The following CDIP1 variants were observed in gnomAD, a reference collection of about 807,000 sequenced individuals.
CDIP1 encodes the protein cell death inducing p53 target 1.
In CDIP1, 9 loss-of-function variants were observed where a neutral mutation model predicts 17.7. That is an observed-to-expected ratio of 0.51 (90% confidence interval 0.31 to 0.89). The LOEUF is 0.89. Ranked by LOEUF, CDIP1 falls within the 40% of genes least tolerant of loss-of-function variation. CDIP1 has a pLI of 0.05. For synonymous variants in CDIP1, 117 were observed against 109.5 expected (o/e 1.07, Z -0.43); for missense variants, 263 against 277.9 (o/e 0.95, Z 0.38).
At position 4,512,505 on chromosome 16, in the gene CDIP1, C is replaced by A. The variant is rs755903354; in HGVS notation, c.*67G>T. 3 of 1,185,408 alleles carry A rather than the reference C, an allele frequency of 2.5e-6. No homozygotes were observed. Among genetic ancestry groups the A allele is most frequent in the East Asian group, 2.4e-5 (1 of 42,506 alleles). The allele number at this position is 1,185,408 out of a possible 1,614,324, so 73.4% of individuals were successfully genotyped here. A position where few individuals can be genotyped will look rare whatever the true frequency, so the allele number is the denominator to read the frequency against. ...CCAAGTGGGAGCGGGAAAGTGACCA[C>A]TGAGCACAGGGAGCAAAGCACAGGG... is the stretch of plus-strand genomic sequence containing the variant. On this transcript the variant is annotated 3_prime_UTR_variant, in exon 6 of 6. Coordinates refer to ENST00000567695, the MANE Select transcript of CDIP1 (RefSeq NM_013399.3). This position sits in a 1 kb window ranked among gnomAD's most constrained non-coding sequence, Gnocchi z 4.6.
chr16:4,527,478 TATG>T (rs1209586157), intron 1 of CDIP1, among the ~76,000 whole-genome samples: 1 of 152,212 alleles, frequency 6.6e-6, no homozygotes, highest in Non-Finnish European at 1.5e-5. Flanking sequence ...CTCTAGGAAC[TATG>T]ATGATGACAA....
At chr16:4,535,577 C>T (rs570003700) in intron 1 of CDIP1, among the ~76,000 whole-genome samples, 4 of 152,210 alleles carry the variant, frequency 2.6e-5, no homozygotes, top group South Asian at 4.1e-4. Context: ...CTATCACAGA[C>T]GCGGCCAGCA....
chr16:4,527,562 T>C (rs1476536765), intron 1 of CDIP1, among the ~76,000 whole-genome samples: 1 of 152,208 alleles, frequency 6.6e-6, no homozygotes. Context: ...TTGGTGACAC[T>C]CCGTCCACAG....
At position 4,521,112 on chromosome 16, in the gene CDIP1, T is replaced by A. The variant is rs567598021; in HGVS notation, c.-104-6448A>T. Among the ~76,000 whole-genome samples the A allele has an allele frequency of 2.6e-5, 4 of 152,052 alleles. No individual in the cohort carries two copies. The East Asian group carries it at 7.7e-4, about 29-fold the overall frequency. On this transcript the variant is annotated intron_variant, in intron 1 of 5. Coordinates refer to ENST00000567695, the MANE Select transcript of CDIP1 (RefSeq NM_013399.3). ...GGTGTGTGTGTGTGTGTGTGTGTACTGTGTGTGTGGTGGTGAAGACTCAAT... is the reference window on the plus strand; with the variant it reads ...GGTGTGTGTGTGTGTGTGTGTGTACAGTGTGTGTGGTGGTGAAGACTCAAT...
intron 1 of CDIP1, chr16:4,538,184 C>G (rs1378185892): frequency 6.6e-6 from 1 of 152,240 alleles, no homozygotes; most frequent in East Asian, 1.9e-4. Context: ...CGCACAACCC[C>G]GCGGCACACA....
At chr16:4,523,623 CATCTGTGACCAGTGGT>C (rs1171787586) in intron 1 of CDIP1, among the ~76,000 whole-genome samples, 2 of 152,196 alleles carry the variant, frequency 1.3e-5, no homozygotes, top group Non-Finnish European at 2.9e-5. Flanking sequence ...AACACAATTA[CATCTGTGACCAGTGGT>C]ATCGAGAAAG....
chr16:4,534,406 G>A (rs182844332), intron 1 of CDIP1, among the ~76,000 whole-genome samples: 3 of 152,350 alleles, frequency 2.0e-5, no homozygotes, highest in Admixed American at 6.5e-5. Context: ...AGTCAACTCC[G>A]TGATGCAGTG....
chr16:4,529,446 C>T (rs187331897), intron 1 of CDIP1, among the ~76,000 whole-genome samples: 93 of 152,296 alleles, frequency 6.1e-4, no homozygotes, highest in African/African-American at 1.9e-3. Context: ...CCAGGCAGAA[C>T]GCTGCTCAAG....
At chr16:4,525,957 G>A (rs2058995579) in intron 1 of CDIP1, among the ~76,000 whole-genome samples, 1 of 152,204 alleles carries the variant, frequency 6.6e-6, no homozygotes, top group Non-Finnish European at 1.5e-5. Flanking sequence ...GAAGATGGGT[G>A]TATCTGATGC....
At chr16:4,535,092 C>T (rs1451754065) in intron 1 of CDIP1, among the ~76,000 whole-genome samples, 2 of 152,188 alleles carry the variant, frequency 1.3e-5, no homozygotes, top group Non-Finnish European at 2.9e-5. Context: ...TCTCCCTAAA[C>T]CCTCCCAAGG....
intron 1 of CDIP1, among the ~76,000 whole-genome samples, chr16:4,526,322 T>C (rs554008519): frequency 6.6e-6 from 1 of 151,478 alleles, no homozygotes; most frequent in African/African-American, 2.4e-5. Context: ...GGAGAATTAC[T>C]TGAACCCAGG....
intron 1 of CDIP1, among the ~76,000 whole-genome samples, chr16:4,517,391 T>C (rs2058899334): frequency 6.6e-6 from 1 of 152,022 alleles, no homozygotes; most frequent in African/African-American, 2.4e-5. Context: ...CCAGCATGAC[T>C]CTCCCACCCT....
intron 1 of CDIP1, among the ~76,000 whole-genome samples, chr16:4,520,110 G>C (rs960863414): frequency 1.3e-5 from 2 of 149,468 alleles, no homozygotes; most frequent in Non-Finnish European, 2.9e-5. Context: ...GACTTGACAA[G>C]TGGTAGGTTT....
At chr16:4,516,698 C>CTTTTT (rs767463500) in intron 1 of CDIP1, among the ~76,000 whole-genome samples, 126 of 78,098 alleles carry the variant, frequency 1.6e-3, no homozygotes, top group African/African-American at 1.8e-3. Context: ...GTTTTAAATC[C>CTTTTT]TTTTTTTTTT....
Position 4,512,771 on chromosome 16 carries a change from C to G in CDIP1, c.515+20G>C. 1 of 1,593,688 alleles carries G rather than the reference C, an allele frequency of 6.3e-7. No homozygotes were observed. The highest frequency in any genetic ancestry group is 8.6e-7 in the Non-Finnish European group (1 of 1,169,546). ...TGACCCTGGTGCAGCCCCCACCCTACCAGTGCCCACACCACCTACCCCATG... is the reference window on the plus strand; with the variant it reads ...TGACCCTGGTGCAGCCCCCACCCTAGCAGTGCCCACACCACCTACCCCATG... On this transcript the variant is annotated intron_variant, in intron 5 of 5. Coordinates refer to ENST00000567695, the MANE Select transcript of CDIP1 (RefSeq NM_013399.3). This position sits in a 1 kb window ranked among gnomAD's most constrained non-coding sequence, Gnocchi z 4.6.
At chr16:4,526,966 G>C (rs1567420367) in intron 1 of CDIP1, among the ~76,000 whole-genome samples, 1 of 151,920 alleles carries the variant, frequency 6.6e-6, no homozygotes. Context: ...ATGGCGGTAG[G>C]AGCAGCCCCT....
intron 1 of CDIP1, among the ~76,000 whole-genome samples, chr16:4,520,019 G>A (rs1412169585): frequency 6.6e-6 from 1 of 152,050 alleles, no homozygotes; most frequent in Non-Finnish European, 1.5e-5. Flanking sequence ...AGAACTGTAA[G>A]GAGATAAATT....
Position 4,520,127 on chromosome 16 carries a change from T to C in CDIP1, c.-104-5463A>G, listed in dbSNP as rs1596488595. ...CTTGACAAGTGGTAGGTTTTTTTTT[T>C]TTTTAGACAGAGTCTCGCTCTATCA... On this transcript the variant is annotated intron_variant, in intron 1 of 5. Transcript: ENST00000567695. 2.0e-5 allele frequency among the ~76,000 whole-genome samples: 3 copies of C among 151,918 alleles called. No homozygotes were observed. In the East Asian group the frequency reaches 5.8e-4, roughly 29 times the overall value.
chr16:4,519,903 T>C (rs1390009241), intron 1 of CDIP1, among the ~76,000 whole-genome samples: 1 of 152,068 alleles, frequency 6.6e-6, no homozygotes, highest in African/African-American at 2.4e-5. Flanking sequence ...CACCGTGCCA[T>C]CCTATAAAGC....
Sources: allele counts gnomAD v4.1 joint callset (sites outside exome capture counted in the v4.1 genomes callset), GRCh38; gene constraint gnomAD v4.1.1; non-coding constraint Gnocchi (gnomAD v3.1); transcripts MANE v1.5; gene names NCBI Gene and HGNC (gene_info 2026-07-23, HGNC 2026-07-21).